Variants in PDLIM5 observed in about 807,000 individuals in gnomAD.
PDLIM5 encodes PDZ and LIM domain protein 5.
PDLIM5 carries 34 observed loss-of-function variants against 64.2 expected under a neutral mutation model. The observed-to-expected ratio is 0.53, with a 90% CI of 0.40 to 0.71. The LOEUF is 0.71. Ranked by LOEUF, PDLIM5 falls within the 30% of genes least tolerant of loss-of-function variation. The pLI is 0.00. For missense variants in PDLIM5, 683 were observed against 733.6 expected, an observed-to-expected ratio of 0.93 and a Z score of 0.80; for synonymous variants, 253 against 269.1, an observed-to-expected ratio of 0.94 and a Z score of 0.59.
intron 7 of PDLIM5, among the ~76,000 whole-genome samples, chr4:94,595,412 G>T (rs936308157): frequency 6.6e-6 from 1 of 152,204 alleles, no homozygotes; most frequent in Non-Finnish European, 1.5e-5. Flanking sequence ...GTTATGTTGA[G>T]CCGGGAAACC....
chr4:94,529,814 T>A (rs1478490378), intron 3 of PDLIM5, among the ~76,000 whole-genome samples: 1 of 152,206 alleles, frequency 6.6e-6, no homozygotes, highest in Non-Finnish European at 1.5e-5. Context: ...GCAACTGAAC[T>A]ATAAAAAATT....
chr4:94,575,988 G>A lies in PDLIM5; in HGVS notation c.664G>A (p.Glu222Lys), dbSNP rs1323656144. The change falls in exon 5 of 13, where the codon GAG (glutamate) becomes AAG (lysine). Residue 222 changes from glutamate to lysine, a missense_variant. By Grantham distance (56) the Glu-to-Lys change is moderately conservative. Coordinates refer to ENST00000317968, the MANE Select transcript of PDLIM5 (RefSeq NM_006457.5). ...VCSETSQELA[E>K]GQRRGSQGDS... Reference sequence around the variant, plus strand: ...TTCCGAGACTTCTCAGGAGCTAGCAGAGGGACAGAGAAGAGGATCCCAGGG... The same window carrying A: ...TTCCGAGACTTCTCAGGAGCTAGCAAAGGGACAGAGAAGAGGATCCCAGGG... 1.2e-6 allele frequency: 2 copies of A among 1,614,152 alleles called. No individual in the cohort carries two copies. Among genetic ancestry groups the A allele is most frequent in the Non-Finnish European group, 1.7e-6 (2 of 1,180,010 alleles).
At chr4:94,659,173 A>C (rs1742451517) in intron 11 of PDLIM5, among the ~76,000 whole-genome samples, 1 of 152,122 alleles carries the variant, frequency 6.6e-6, no homozygotes, top group African/African-American at 2.4e-5. Context: ...ACCATTTCTT[A>C]ACCCAGTTTC....
chr4:94,504,513 G>A (rs138155456), intron 2 of PDLIM5, among the ~76,000 whole-genome samples: 21 of 152,192 alleles, frequency 1.4e-4, no homozygotes, highest in Admixed American at 3.9e-4. Flanking sequence ...TCTCCGTCTC[G>A]TGACCTCGTG....
chr4:94,468,314 A>G (rs574689846), intron 2 of PDLIM5, among the ~76,000 whole-genome samples: 18 of 152,270 alleles, frequency 1.2e-4, no homozygotes, highest in African/African-American at 4.1e-4. Context: ...CACTGTGCCC[A>G]GCTAATGTTT....
chr4:94,616,617 G>T (rs1422735989), intron 7 of PDLIM5, among the ~76,000 whole-genome samples: 1 of 152,172 alleles, frequency 6.6e-6, no homozygotes, highest in Non-Finnish European at 1.5e-5. Flanking sequence ...CCATGAGGGA[G>T]GCAGTCTTTG....
intron 8 of PDLIM5, among the ~76,000 whole-genome samples, chr4:94,638,543 A>G (rs2110452365): frequency 6.6e-6 from 1 of 152,316 alleles, no homozygotes; most frequent in Non-Finnish European, 1.5e-5. Context: ...TATCATATCA[A>G]TTATCCTAAT....
chr4:94,657,594 A>G (rs766639370), intron 11 of PDLIM5, 47 bp downstream of exon 11: 1 of 1,446,990 alleles, frequency 6.9e-7, no homozygotes, highest in East Asian at 2.3e-5. Context: ...ATAAAGGTAA[A>G]ACATTAACCC....
intron 3 of PDLIM5, among the ~76,000 whole-genome samples, chr4:94,543,566 T>C (rs1732017910): frequency 6.6e-6 from 1 of 152,114 alleles, no homozygotes; most frequent in African/African-American, 2.4e-5. Flanking sequence ...AAATTTCATA[T>C]CCTTTGACCA....
At chr4:94,629,333 CA>C (rs1381388303) in intron 8 of PDLIM5, among the ~76,000 whole-genome samples, 29 of 140,794 alleles carry the variant, frequency 2.1e-4, no homozygotes, top group Middle Eastern at 3.6e-3. Context: ...GACTCAGTTT[CA>C]AAAAAAAAAA....
chr4:94,583,277 G>T (rs374794024), intron 5 of PDLIM5, among the ~76,000 whole-genome samples: 7 of 152,192 alleles, frequency 4.6e-5, no homozygotes, highest in African/African-American at 1.4e-4. Context: ...AAGGGGTAGT[G>T]TACTTTTTAC....
chr4:94,471,118 T>C (rs1268919047), intron 2 of PDLIM5, among the ~76,000 whole-genome samples: 1 of 152,144 alleles, frequency 6.6e-6, no homozygotes, highest in Non-Finnish European at 1.5e-5. Flanking sequence ...CCATGACATG[T>C]GGGAATTATG....
rs1243697285 is a variant in PDLIM5, at chr4:94,582,556, T to C, written c.711-3009T>C. ...CATAATTATTTTGAAGCATGATGTT[T>C]GTGTAACATCTTCACTGAAAATCAT... On this transcript the variant is annotated intron_variant, in intron 5 of 12. Coordinates refer to ENST00000317968, the MANE Select transcript of PDLIM5 (RefSeq NM_006457.5). 7.3e-6 allele frequency: 4 copies of C among 548,530 alleles called. No homozygotes were observed. In the Admixed American group the frequency reaches 1.1e-4, roughly 15 times the overall value. The allele number at this position is 548,530 out of a possible 1,614,324, so 34.0% of individuals were successfully genotyped here. A position where few individuals can be genotyped will look rare whatever the true frequency, so the allele number is the denominator to read the frequency against.
At chr4:94,532,658 T>C (rs2452570) in intron 3 of PDLIM5, among the ~76,000 whole-genome samples, 82,631 of 151,820 alleles carry the variant, frequency 0.54, 23,184 homozygotes, top group African/African-American at 0.66. Context: ...CATATAGCCT[T>C]CAGTGGTATA....
At chr4:94,550,036 T>A (rs2110207708) in intron 3 of PDLIM5, 1 of 152,258 alleles carries the variant, frequency 6.6e-6, no homozygotes. Flanking sequence ...CTTACATAAG[T>A]CAGTGGTATA....
intron 7 of PDLIM5, among the ~76,000 whole-genome samples, chr4:94,611,865 A>ACTTC (rs1738390597): frequency 6.6e-6 from 1 of 152,224 alleles, no homozygotes; most frequent in African/African-American, 2.4e-5. Context: ...ACCTGATATA[A>ACTTC]CTAGGCTGTC....
chr4:94,631,058 T>C (rs1390326932), intron 8 of PDLIM5, among the ~76,000 whole-genome samples: 1 of 146,312 alleles, frequency 6.8e-6, no homozygotes, highest in Non-Finnish European at 1.5e-5. Flanking sequence ...CATGCCACCA[T>C]GCCAAACTTT....
At chr4:94,453,448 T>G (rs767172580) in intron 1 of PDLIM5, among the ~76,000 whole-genome samples, 1 of 152,072 alleles carries the variant, frequency 6.6e-6, no homozygotes, top group Non-Finnish European at 1.5e-5. Context: ...TAATAACAAA[T>G]GAGAGAAGTT....
Position 94,618,010 on chromosome 4 carries a change from T to G in PDLIM5, c.927T>G (p.Ser309=). ...TTCTTTATTTCCTTTACAGTAACTC[T>G]CAGGAGCCTTCTCCGCAGTTGGCTT... The part of the protein sequence containing the change: ...EADNTKKANN[S]QEPSPQLASS... The change falls in exon 8 of 13, where the codon TCT becomes TCG. Residue 309 remains serine, a synonymous_variant. Transcript: ENST00000317968. The G allele has an allele frequency of 1.3e-6, 2 of 1,563,108 alleles. No individual in the cohort carries two copies. Among genetic ancestry groups the G allele is most frequent in the Non-Finnish European group, 8.7e-7 (1 of 1,153,254 alleles).
Sources: gnomAD v4.1 joint callset for allele counts (sites outside exome capture counted in the v4.1 genomes callset) on GRCh38, gnomAD v4.1.1 for gene constraint, MANE v1.5 for transcripts, NCBI Gene and HGNC (gene_info 2026-07-23, HGNC 2026-07-21) for gene names.